Variants in PPP6R2 observed in about 807,000 individuals in gnomAD.
PPP6R2 encodes serine/threonine-protein phosphatase 6 regulatory subunit 2.
PPP6R2 carries 62 observed loss-of-function variants against 100.2 expected under a neutral mutation model. The ratio of observed to expected loss-of-function variants is 0.62; its 90% CI spans 0.50 to 0.76. The LOEUF (loss-of-function observed/expected upper bound fraction) is 0.76, where lower values mean the gene tolerates loss of function less well. Ranked by LOEUF, PPP6R2 falls within the 30% of genes least tolerant of loss-of-function variation. The pLI is 0.00. For missense variants in PPP6R2, 1,142 were observed against 1,276.3 expected (o/e 0.89, Z 1.60); for synonymous variants, 525 against 514.7 (o/e 1.02, Z -0.27).
chr22:50,359,596 G>C (rs1485577426), intron 1 of PPP6R2, among the ~76,000 whole-genome samples: 2 of 152,112 alleles, frequency 1.3e-5, no homozygotes, highest in South Asian at 2.1e-4. Flanking sequence ...ATGATCACTT[G>C]TGTTTTGTCC....
At chr22:50,361,767 A>C (rs1166081473) in intron 1 of PPP6R2, among the ~76,000 whole-genome samples, 1 of 151,976 alleles carries the variant, frequency 6.6e-6, no homozygotes, top group Non-Finnish European at 1.5e-5. Context: ...ATTGACAACA[A>C]ATATAGCATA....
intron 1 of PPP6R2, among the ~76,000 whole-genome samples, chr22:50,352,760 A>G (rs2045610659): frequency 6.6e-6 from 1 of 151,182 alleles, no homozygotes; most frequent in South Asian, 2.1e-4. Flanking sequence ...AAACACACAA[A>G]ACAACAACAA....
At chr22:50,340,397 G>C (rs536278690), upstream of PPP6R2, among the ~76,000 whole-genome samples, 123 of 138,114 alleles carry the variant, frequency 8.9e-4, 1 homozygote, top group Middle Eastern at 9.8e-3. Flanking sequence ...TATGTGGTGT[G>C]TGTGGTGTGT....
intron 21 of PPP6R2, 26 bp from the exon 22 acceptor site, chr22:50,440,796 G>A (rs2065409157): frequency 3.7e-6 from 6 of 1,611,606 alleles, no homozygotes; most frequent in Non-Finnish European, 5.1e-6. Flanking sequence ...TGCCTCACTG[G>A]ACAGCACAGG....
intron 10 of PPP6R2, among the ~76,000 whole-genome samples, chr22:50,429,847 G>T (rs2062821679): frequency 6.6e-6 from 1 of 152,220 alleles, no homozygotes; most frequent in Non-Finnish European, 1.5e-5. Flanking sequence ...CTCCTCCAAG[G>T]TTGCTCAAGG....
chr22:50,438,081 C>T, intron 17 of PPP6R2, 93 bp from the exon 18 acceptor site: 1 of 1,532,132 alleles, frequency 6.5e-7, no homozygotes, highest in Middle Eastern at 1.8e-4. Context: ...GCTCCCACAT[C>T]CCGAACTAAG....
intron 1 of PPP6R2, among the ~76,000 whole-genome samples, chr22:50,349,389 C>T (rs1357759289): frequency 7.1e-6 from 1 of 141,044 alleles, no homozygotes; most frequent in Non-Finnish European, 1.5e-5. Flanking sequence ...AAAAAACGGG[C>T]TGGACGTGGT....
At chr22:50,432,672 G>C (rs1055828926) in intron 12 of PPP6R2, among the ~76,000 whole-genome samples, 1 of 152,216 alleles carries the variant, frequency 6.6e-6, no homozygotes. Context: ...GTCAGCACTC[G>C]CACACAGGGA....
At chr22:50,412,177 C>A (rs1229078098) in intron 4 of PPP6R2, among the ~76,000 whole-genome samples, 3 of 151,270 alleles carry the variant, frequency 2.0e-5, no homozygotes, top group South Asian at 2.1e-4. Context: ...ATTATGGGCT[C>A]AAAAAAAATA....
chr22:50,383,913 G>A (rs1473218068), intron 2 of PPP6R2, among the ~76,000 whole-genome samples: 1 of 151,714 alleles, frequency 6.6e-6, no homozygotes, highest in East Asian at 1.9e-4. Context: ...GTGGATGCCT[G>A]TAATCCAAGC....
At chr22:50,402,119 C>T (rs1056506005) in intron 3 of PPP6R2, among the ~76,000 whole-genome samples, 1 of 151,964 alleles carries the variant, frequency 6.6e-6, no homozygotes, top group Non-Finnish European at 1.5e-5. Flanking sequence ...GTCAGCACCA[C>T]GCTTCTTTCA....
intron 4 of PPP6R2, among the ~76,000 whole-genome samples, chr22:50,411,730 G>A (rs1029913589): frequency 1.4e-4 from 21 of 151,968 alleles, no homozygotes; most frequent in Non-Finnish European, 2.9e-4. Context: ...TCCAGCCTGG[G>A]CGACAAAGGG....
intron 10 of PPP6R2, among the ~76,000 whole-genome samples, chr22:50,428,587 C>T (rs1330628910): frequency 2.0e-5 from 3 of 152,044 alleles, no homozygotes; most frequent in African/African-American, 7.2e-5. Flanking sequence ...TGTGGTGGCA[C>T]AGATCTGTAG....
intron 20 of PPP6R2, 33 bp from the exon 21 acceptor site, chr22:50,439,928 C>T: frequency 6.2e-7 from 1 of 1,610,970 alleles, no homozygotes; most frequent in Non-Finnish European, 8.5e-7. Flanking sequence ...ACCTGTCCCC[C>T]AGGACTGATC....
intron 10 of PPP6R2, among the ~76,000 whole-genome samples, chr22:50,426,721 C>G (rs2062183688): frequency 6.6e-6 from 1 of 151,364 alleles, no homozygotes; most frequent in African/African-American, 2.4e-5. Flanking sequence ...GTAATCCCAG[C>G]TACTTGGGAG....
intron 1 of PPP6R2, among the ~76,000 whole-genome samples, chr22:50,347,411 C>G (rs1465618437): frequency 6.6e-6 from 1 of 152,064 alleles, no homozygotes; most frequent in African/African-American, 2.4e-5. Context: ...CTGTCGCGCT[C>G]CCCATCACGG....
chr22:50,414,715 C>T, intron 5 of PPP6R2, 26 bp downstream of exon 5: 1 of 1,605,004 alleles, frequency 6.2e-7, no homozygotes, highest in East Asian at 2.2e-5. Context: ...CCCCCCCGTT[C>T]CCGAGGGCAG....
upstream of PPP6R2, among the ~76,000 whole-genome samples, chr22:50,339,888 T>TA (rs2042352100): frequency 8.5e-6 from 1 of 118,092 alleles, no homozygotes; most frequent in Non-Finnish European, 1.8e-5. Context: ...GGTGTGTGTG[T>TA]GGGGTGTGTG....
chr22:50,352,397 TATTTAAG>T (rs1012705218), intron 1 of PPP6R2, among the ~76,000 whole-genome samples: 1 of 152,182 alleles, frequency 6.6e-6, no homozygotes, highest in Non-Finnish European at 1.5e-5. Flanking sequence ...TACTGTAGAC[TATTTAAG>T]TCTGGTTTCG....
Sources: allele counts gnomAD v4.1 joint callset (sites outside exome capture counted in the v4.1 genomes callset), GRCh38; gene constraint gnomAD v4.1.1; transcripts MANE v1.5; gene names NCBI Gene and HGNC (gene_info 2026-07-23, HGNC 2026-07-21).